NLRC5: variants seen among roughly 807,000 people sequenced by gnomAD.
NLRC5 encodes NLR family CARD domain containing 5, also known as protein NLRC5.
A neutral mutation model predicts 206.9 loss-of-function variants in NLRC5; 114 were observed. That is an observed-to-expected ratio of 0.55 (90% CI 0.47 to 0.64). The LOEUF is 0.64. Ranked by LOEUF, NLRC5 falls within the 30% of genes least tolerant of loss-of-function variation. The pLI, the probability that NLRC5 is intolerant of heterozygous loss-of-function variation, is 0.00. For missense variants in NLRC5, 2,008 were observed against 2,305.5 expected (o/e 0.87, Z 2.64); for synonymous variants, 952 against 962.8 (o/e 0.99, Z 0.21).
In NLRC5 at chr16:57,025,758, C is replaced by T; in HGVS notation, c.815C>T (p.Thr272Ile). The stretch of plus-strand genomic sequence containing the variant: ...CTCAACTTGATCACGAGGTTCCTGA[C>T]ACCGTCCGAGCTCCTTTTTGATCTG... ...RQLNLITRFLTPSELLFDLYL... is the reference protein window; with the variant it reads ...RQLNLITRFLIPSELLFDLYL... Residue 272 changes from threonine (T) to isoleucine (I), a missense_variant, in exon 6 of 49, where the codon ACA becomes ATA. Physicochemically the swap from Thr to Ile is moderately conservative, Grantham distance 89. Transcript: ENST00000688547. 1.2e-6 allele frequency: 2 copies of T among 1,614,220 alleles called. No individual in the cohort carries two copies. The highest frequency in any genetic ancestry group is 1.7e-6 in the Non-Finnish European group (2 of 1,180,030).
At position 57,047,642 on chromosome 16, in the gene NLRC5, A is replaced by G. The variant is rs1003939074; in HGVS notation, c.3422+14A>G. The G allele has an allele frequency of 5.6e-6, 9 of 1,607,494 alleles. No individual in the cohort carries two copies. The African/African-American group carries it at 1.2e-4, about 21-fold the overall frequency. On this transcript the variant is annotated intron_variant, in intron 23 of 48. Coordinates refer to ENST00000688547, the MANE Select transcript of NLRC5 (RefSeq NM_001384950.1). ...CCTGGAACTGCAGTAAGTAACGAGG[A>G]CACAGCCCCAGAGGGCACCATGTGG...
At chr16:57,058,424 G>A (rs1367575398) in intron 28 of NLRC5, 1 of 483,340 alleles carries the variant, frequency 2.1e-6, no homozygotes, top group South Asian at 2.5e-5. Context: ...CTGACCTGGG[G>A]ACAGGGAAGC....
At position 57,022,593 on chromosome 16, in the gene NLRC5, TTC is replaced by T. The variant is rs371912971; in HGVS notation, c.355+279_355+280del. ...ACCCCTCAGGAAGCCTGTTCTCACT[TTC>T]CTGCCCGCAACCCGCAGGGCCTCAT... On this transcript the variant is annotated intron_variant, in intron 4 of 48. Transcript: ENST00000688547. 2.4e-3 allele frequency among the ~76,000 whole-genome samples: 367 copies of T among 152,332 alleles called. 1 individual carries two copies. The highest frequency in any genetic ancestry group is 0.01 in the Middle Eastern group (3 of 294).
At chr16:57,078,281 C>A (rs1211033554) in intron 43 of NLRC5, among the ~76,000 whole-genome samples, 2 of 152,168 alleles carry the variant, frequency 1.3e-5, no homozygotes, top group African/African-American at 4.8e-5. Flanking sequence ...AGTTTCTTCA[C>A]ATGCAAAAGA....
At chr16:57,044,216 A>G (rs1429040767) in intron 20 of NLRC5, among the ~76,000 whole-genome samples, 1 of 151,646 alleles carries the variant, frequency 6.6e-6, no homozygotes, top group Non-Finnish European at 1.5e-5. Flanking sequence ...GAGTCAGGAG[A>G]ATCACTTGAA....
At chr16:56,993,132 TACACACAC>T (rs71152227) in intron 1 of NLRC5, among the ~76,000 whole-genome samples, 11 of 120,580 alleles carry the variant, frequency 9.1e-5, no homozygotes, top group Non-Finnish European at 2.0e-4. Flanking sequence ...TATATATATA[TACACACAC>T]ACACACACAC....
intron 33 of NLRC5, among the ~76,000 whole-genome samples, chr16:57,065,953 G>A (rs1463598903): frequency 1.3e-5 from 2 of 152,156 alleles, no homozygotes; most frequent in Non-Finnish European, 2.9e-5. Context: ...AGCACCCCAT[G>A]AACATAACAT....
At position 57,081,568 on chromosome 16, in the gene NLRC5, T is replaced by C; in HGVS notation, c.5447T>C (p.Leu1816Pro). The C allele has an allele frequency of 1.2e-6, 2 of 1,614,092 alleles. No individual in the cohort carries two copies. The highest frequency in any genetic ancestry group is 2.2e-5 in the South Asian group (2 of 91,082). The change falls in exon 48 of 49, where the codon CTG becomes CCG. Residue 1816 changes from leucine to proline, a missense_variant. Leu to Pro is a moderately conservative substitution (Grantham distance 98). Coordinates refer to ENST00000688547, the MANE Select transcript of NLRC5 (RefSeq NM_001384950.1). ...ATCACAGCTTTGGGGGCCTGGCTCC[T>C]GGCTGAAGGACTGGCCCAGGGGTCT... ...NQITALGAWL[L>P]AEGLAQGSSI...
At chr16:57,062,120 C>G (rs1567626446) in intron 32 of NLRC5, 1 of 1,041,792 alleles carries the variant, frequency 9.6e-7, no homozygotes, top group Non-Finnish European at 1.3e-6. Flanking sequence ...GTTGTTCATA[C>G]TTTTTTTATA....
Position 57,077,708 on chromosome 16 carries a change from C to G in NLRC5, c.4920-11C>G, listed in dbSNP as rs769437485. On this transcript the variant is annotated splice_polypyrimidine_tract_variant and intron_variant, in intron 41 of 48. Transcript: ENST00000688547. ...GCATCAGAGGACCTGATGGCTGCCC[C>G]CCTCCCACAGCCTCTCAGGGAATAG... The G allele has an allele frequency of 6.4e-7, 1 of 1,557,962 alleles. No homozygotes were observed. Among genetic ancestry groups the G allele is most frequent in the Non-Finnish European group, 8.7e-7 (1 of 1,149,636 alleles).
At chr16:57,010,903 T>A (rs1567521816) in intron 1 of NLRC5, among the ~76,000 whole-genome samples, 3 of 151,892 alleles carry the variant, frequency 2.0e-5, no homozygotes, top group African/African-American at 7.3e-5. Context: ...TGGCTTTTTT[T>A]AAAAAAAAAT....
chr16:57,036,214 G>C, intron 14 of NLRC5, 31 bp downstream of exon 14: 1 of 1,605,316 alleles, frequency 6.2e-7, no homozygotes, highest in Non-Finnish European at 8.5e-7. Context: ...CTGGGTACCA[G>C]GGAAGGCCCT....
chr16:57,016,396 A>G (rs371792131), intron 1 of NLRC5, among the ~76,000 whole-genome samples: 9 of 152,294 alleles, frequency 5.9e-5, no homozygotes, highest in African/African-American at 2.2e-4. Flanking sequence ...TCTGAGTTAC[A>G]TTCCCCGTAT....
At chr16:57,061,727 G>C in intron 32 of NLRC5, 26 bp downstream of exon 32, 1 of 1,589,994 alleles carries the variant, frequency 6.3e-7, no homozygotes, top group Non-Finnish European at 8.5e-7. Flanking sequence ...CTGCCTCCGG[G>C]AGGGGCCATG....
intron 1 of NLRC5, among the ~76,000 whole-genome samples, chr16:57,012,623 G>A (rs1180970226): frequency 2.0e-5 from 3 of 152,108 alleles, no homozygotes; most frequent in African/African-American, 2.4e-5. Flanking sequence ...TCTAGGTTGC[G>A]AGTTTCTGAT....
Position 57,077,424 on chromosome 16 carries a change from T to C in NLRC5, c.4919+45T>C, listed in dbSNP as rs1425505101. On this transcript the variant is annotated intron_variant, in intron 41 of 48. Coordinates refer to ENST00000688547, the MANE Select transcript of NLRC5 (RefSeq NM_001384950.1). ...GAGGAGGGCCACAGGGGTCACACGA[T>C]GGTCCTAGGAGATACTGGCCCCTAG... 8 of 1,550,132 alleles carry C rather than the reference T, an allele frequency of 5.2e-6. 1 individual carries two copies. Among genetic ancestry groups the C allele is most frequent in the Admixed American group, 1.7e-5 (1 of 59,036 alleles).
intron 8 of NLRC5, among the ~76,000 whole-genome samples, chr16:57,028,818 G>A (rs1343319793): frequency 6.6e-6 from 1 of 152,210 alleles, no homozygotes. Flanking sequence ...ACTCATAGGT[G>A]TGCACATGTA....
chr16:57,078,029 C>G lies in NLRC5; in HGVS notation c.5081+9C>G. 6.3e-7 allele frequency: 1 copy of G among 1,581,764 alleles called. No homozygotes were observed. The highest frequency in any genetic ancestry group is 2.3e-5 in the East Asian group (1 of 44,234). On this transcript the variant is annotated intron_variant, in intron 43 of 48. Coordinates refer to ENST00000688547, the MANE Select transcript of NLRC5 (RefSeq NM_001384950.1). ...CACCTGAGGGTCCTACAGTGAGTGG[C>G]CCCCTGCCCATACCATGCAGGGCTG...
At chr16:57,027,099 C>T (rs1418419737) in intron 6 of NLRC5, 81 bp downstream of exon 6, 5 of 1,458,918 alleles carry the variant, frequency 3.4e-6, no homozygotes, top group Non-Finnish European at 4.6e-6. Context: ...AAACCTCTGC[C>T]AAGAGGACTG....
Sources: allele counts gnomAD v4.1 joint callset (sites outside exome capture counted in the v4.1 genomes callset), GRCh38; gene constraint gnomAD v4.1.1; transcripts MANE v1.5; gene names NCBI Gene and HGNC (gene_info 2026-07-23, HGNC 2026-07-21).